CNTNAP2: variants seen among roughly 807,000 people sequenced by gnomAD.
CNTNAP2 encodes contactin associated protein 2.
Under a neutral mutation model 155.2 loss-of-function variants are expected in CNTNAP2, and 98 were observed. The ratio of observed to expected loss-of-function variants is 0.63; its 90% CI spans 0.54 to 0.75. The LOEUF (loss-of-function observed/expected upper bound fraction) is 0.75, where lower values mean the gene tolerates loss of function less well. CNTNAP2 is among the 30% of genes least tolerant of loss of function. CNTNAP2 has a pLI of 0.00. For missense variants in CNTNAP2, 1,727 were observed against 1,688.1 expected (o/e 1.02, Z -0.40); for synonymous variants, 651 against 631.2 (o/e 1.03, Z -0.47).
At chr7:146,975,206 T>C (rs1797885981) in intron 3 of CNTNAP2, among the ~76,000 whole-genome samples, 1 of 152,116 alleles carries the variant, frequency 6.6e-6, no homozygotes, top group Admixed American at 6.5e-5. Flanking sequence ...GGCTCATGCC[T>C]GTAATCCCAG....
rs1483805777 is a variant in CNTNAP2 at position 146,774,389 on chromosome 7, A to G, written c.208+8A>G. On this transcript the variant is annotated splice_region_variant and intron_variant, in intron 2 of 23. Coordinates refer to ENST00000361727, the MANE Select transcript of CNTNAP2 (RefSeq NM_014141.6). ...AGATAAACAAGAGAGGAGGTAAGCC[A>G]AATTTTGATTCTTTTATCAATAAAC... 5.0e-6 allele frequency: 8 copies of G among 1,587,762 alleles called. No homozygotes were observed. The highest frequency in any genetic ancestry group is 6.9e-6 in the Non-Finnish European group (8 of 1,156,594).
intron 13 of CNTNAP2, among the ~76,000 whole-genome samples, chr7:147,856,029 A>C (rs926965484): frequency 9.9e-5 from 15 of 152,180 alleles, no homozygotes; most frequent in African/African-American, 3.6e-4. Context: ...TTTTCTGCCC[A>C]AGAACAGAGC....
At position 146,935,071 on chromosome 7, in the gene CNTNAP2, G is replaced by A. The variant is rs183660200; in HGVS notation, c.402+95167G>A. Among the ~76,000 whole-genome samples, 655 of 152,220 alleles carry A rather than the reference G, an allele frequency of 4.3e-3. 9 individuals carry two copies. Among genetic ancestry groups the A allele is most frequent in the African/African-American group, 0.014 (588 of 41,548 alleles). On this transcript the variant is annotated intron_variant, in intron 3 of 23. Transcript: ENST00000361727. ...GTTCATAATTTCACAATTGAGAGGC[G>A]TCCCTCCACATTCTTGGAACTGTGC...
intron 21 of CNTNAP2, among the ~76,000 whole-genome samples, chr7:148,359,608 A>G (rs1454065766): frequency 6.6e-6 from 1 of 152,210 alleles, no homozygotes; most frequent in East Asian, 1.9e-4. Flanking sequence ...AGCTTCCTTT[A>G]AGAAAAATGT....
intron 3 of CNTNAP2, among the ~76,000 whole-genome samples, chr7:146,981,142 T>C (rs1798009468): frequency 6.6e-6 from 1 of 152,150 alleles, no homozygotes; most frequent in Admixed American, 6.5e-5. Context: ...TGTGATACTT[T>C]AGAAATTTGT....
intron 1 of CNTNAP2, among the ~76,000 whole-genome samples, chr7:146,207,984 G>A (rs912547414): frequency 2.0e-5 from 3 of 151,892 alleles, no homozygotes; most frequent in Admixed American, 2.0e-4. Context: ...ATATCCTAGA[G>A]ATACCATTAA....
intron 8 of CNTNAP2, among the ~76,000 whole-genome samples, chr7:147,243,016 T>TTTTTTTA (rs1803977056): frequency 1.7e-5 from 2 of 121,004 alleles, no homozygotes; most frequent in Non-Finnish European, 3.6e-5. Flanking sequence ...TTTTTTTTTT[T>TTTTTTTA]GAGAGGGAGT....
intron 3 of CNTNAP2, among the ~76,000 whole-genome samples, chr7:146,947,410 CTATA>C (rs35859103): frequency 0.037 from 4,475 of 122,540 alleles, 96 homozygotes; most frequent in Middle Eastern, 0.095. Context: ...CTCTCTCTCT[CTATA>C]TATATATATA....
chr7:146,742,011 T>A (rs973720268), intron 1 of CNTNAP2, among the ~76,000 whole-genome samples: 13 of 152,008 alleles, frequency 8.6e-5, no homozygotes, highest in Non-Finnish European at 1.3e-4. Flanking sequence ...CTCTCCTTAC[T>A]GAACAAAACA....
chr7:146,481,005 A>ATT (rs57393867), intron 1 of CNTNAP2, among the ~76,000 whole-genome samples: 24,083 of 150,184 alleles, frequency 0.16, 2,569 homozygotes, highest in African/African-American at 0.32. Flanking sequence ...ATTAATGAAA[A>ATT]TTTTTTTTTT....
At position 148,042,877 on chromosome 7, in the gene CNTNAP2, G is replaced by A. The variant is rs141143810; in HGVS notation, c.2383+64888G>A. ...TTCCAGGAAGCAGGAAGCCATGAAT[G>A]ACTTTAAACCAAGAACAGTCTCAAA... On this transcript the variant is annotated intron_variant, in intron 15 of 23. Transcript: ENST00000361727. Among the ~76,000 whole-genome samples, 480 of 152,294 alleles carry A rather than the reference G, an allele frequency of 3.2e-3. 1 individual carries two copies. Among genetic ancestry groups the A allele is most frequent in the African/African-American group, 0.011 (448 of 41,550 alleles).
chr7:146,270,547 C>T (rs1800064844), intron 1 of CNTNAP2, among the ~76,000 whole-genome samples: 1 of 152,058 alleles, frequency 6.6e-6, no homozygotes, highest in Non-Finnish European at 1.5e-5. Flanking sequence ...ATATTGTTGA[C>T]TTCATACAGA....
At chr7:147,360,893 A>T (rs907400602) in intron 9 of CNTNAP2, among the ~76,000 whole-genome samples, 4 of 152,196 alleles carry the variant, frequency 2.6e-5, no homozygotes, top group Non-Finnish European at 1.5e-5. Context: ...AAGGGGTCAG[A>T]GAAGGTAAGT....
Position 146,162,178 on chromosome 7 carries a change from A to G in CNTNAP2, c.97+45205A>G, listed in dbSNP as rs560910284. On this transcript the variant is annotated intron_variant, in intron 1 of 23. Coordinates refer to ENST00000361727, the MANE Select transcript of CNTNAP2 (RefSeq NM_014141.6). ...TTGACAAATAGGATCTAATTAAACT[A>G]AAGAGCTTCTGCACAGCAAAATAAA... is the stretch of plus-strand genomic sequence containing the variant. 9.2e-5 allele frequency among the ~76,000 whole-genome samples: 14 copies of G among 152,338 alleles called. No individual in the cohort carries two copies. The South Asian group carries it at 1.7e-3, about 18-fold the overall frequency.
chr7:147,254,747 AG>A (rs1804284035), intron 8 of CNTNAP2, among the ~76,000 whole-genome samples: 1 of 152,168 alleles, frequency 6.6e-6, no homozygotes, highest in Admixed American at 6.5e-5. Flanking sequence ...TTAGAATCTG[AG>A]GAATGACTTT....
intron 11 of CNTNAP2, among the ~76,000 whole-genome samples, chr7:147,498,334 A>T (rs1337554832): frequency 6.6e-6 from 1 of 152,166 alleles, no homozygotes; most frequent in African/African-American, 2.4e-5. Context: ...TCCTTCTCTT[A>T]TTGTTGCTAG....
At chr7:147,936,613 C>T (rs1162194040) in intron 14 of CNTNAP2, among the ~76,000 whole-genome samples, 1 of 152,176 alleles carries the variant, frequency 6.6e-6, no homozygotes, top group Non-Finnish European at 1.5e-5. Context: ...TCCCCTCCCT[C>T]ATTTTGAGGG....
chr7:148,335,854 T>C (rs1270481552), intron 21 of CNTNAP2, among the ~76,000 whole-genome samples: 2 of 114,374 alleles, frequency 1.7e-5, no homozygotes, highest in African/African-American at 5.9e-5. Flanking sequence ...GTTTAAATAT[T>C]GTACGTTTTT....
intron 8 of CNTNAP2, among the ~76,000 whole-genome samples, chr7:147,178,187 G>A (rs1422056221): frequency 6.6e-6 from 1 of 152,140 alleles, no homozygotes. Context: ...TTATCCAGGT[G>A]GGCTGAGTGT....
Sources: allele counts gnomAD v4.1 joint callset (sites outside exome capture counted in the v4.1 genomes callset), GRCh38; gene constraint gnomAD v4.1.1; transcripts MANE v1.5; gene names NCBI Gene and HGNC (gene_info 2026-07-23, HGNC 2026-07-21).